ARHGAP10: variants seen among roughly 807,000 people sequenced by gnomAD.
ARHGAP10 encodes the protein rho GTPase-activating protein 10.
A neutral mutation model predicts 108.6 loss-of-function variants in ARHGAP10; 87 were observed. The ratio of observed to expected loss-of-function variants is 0.80; its 90% CI spans 0.67 to 0.96. The LOEUF (loss-of-function observed/expected upper bound fraction) is 0.96. ARHGAP10 is among the 40% of genes least tolerant of loss of function. ARHGAP10 has a pLI of 0.00. For synonymous variants in ARHGAP10, 347 were observed against 341.1 expected (o/e 1.02, Z -0.19); for missense variants, 939 against 954.5 (o/e 0.98, Z 0.21).
chr4:148,047,127 G>T, intron 20 of ARHGAP10, 76 bp downstream of exon 20: 1 of 1,545,340 alleles, frequency 6.5e-7, no homozygotes, highest in Non-Finnish European at 8.8e-7. Context: ...TCCATGAGCA[G>T]TGACCTGTGG....
chr4:148,016,212 G>T (rs1207300507), intron 18 of ARHGAP10, among the ~76,000 whole-genome samples: 1 of 152,124 alleles, frequency 6.6e-6, no homozygotes, highest in East Asian at 1.9e-4. Context: ...TTTTAAAAAA[G>T]AATTACTGGA....
chr4:148,003,096 G>A (rs997110108), intron 18 of ARHGAP10, among the ~76,000 whole-genome samples: 1 of 152,180 alleles, frequency 6.6e-6, no homozygotes, highest in Non-Finnish European at 1.5e-5. Context: ...ATGTGTCCCA[G>A]AGATTCTGGT....
chr4:147,776,948 T>G (rs78250017), intron 1 of ARHGAP10, among the ~76,000 whole-genome samples: 18 of 152,334 alleles, frequency 1.2e-4, no homozygotes, highest in African/African-American at 4.3e-4. Context: ...AGCGTGTCTT[T>G]CCTTCCTGGT....
In ARHGAP10 at chr4:147,990,860, A is replaced by G. The variant is rs868509516; in HGVS notation, c.1716+24021A>G. On this transcript the variant is annotated intron_variant, in intron 18 of 22. Coordinates refer to ENST00000336498, the MANE Select transcript of ARHGAP10 (RefSeq NM_024605.4). ...TGAAACCCTGTCTCTACAAAAATACAGAAAAACGGGCCTGGTGTTGTGGTG... is the reference window on the plus strand; with the variant it reads ...TGAAACCCTGTCTCTACAAAAATACGGAAAAACGGGCCTGGTGTTGTGGTG... 3.9e-5 allele frequency among the ~76,000 whole-genome samples: 6 copies of G among 152,078 alleles called. 1 individual carries two copies. The highest frequency in any genetic ancestry group is 4.4e-5 in the Non-Finnish European group (3 of 68,034).
rs565699498 is a variant in ARHGAP10, at chr4:147,994,004, G to C, written c.1716+27165G>C. ...GATCAATGCAAGAAAATGAAGCTTG[G>C]AGAGCTGAAATTAACTTGCCCAAGG... On this transcript the variant is annotated intron_variant, in intron 18 of 22. Transcript: ENST00000336498. Among the ~76,000 whole-genome samples the C allele has an allele frequency of 1.2e-4, 19 of 152,168 alleles. No homozygotes were observed. The East Asian group carries it at 1.5e-3, about 12-fold the overall frequency.
chr4:147,812,001 A>G (rs1344151207), intron 1 of ARHGAP10, among the ~76,000 whole-genome samples: 1 of 152,120 alleles, frequency 6.6e-6, no homozygotes, highest in Non-Finnish European at 1.5e-5. Flanking sequence ...TGGGGTCTTC[A>G]TGGGTGTGAC....
At chr4:147,800,141 A>G (rs927056935) in intron 1 of ARHGAP10, among the ~76,000 whole-genome samples, 1 of 152,164 alleles carries the variant, frequency 6.6e-6, no homozygotes, top group Non-Finnish European at 1.5e-5. Flanking sequence ...GTGGAGGCAG[A>G]AGGGATTTCC....
chr4:147,742,120 A>T (rs950539392), intron 1 of ARHGAP10, among the ~76,000 whole-genome samples: 1 of 151,808 alleles, frequency 6.6e-6, no homozygotes, highest in African/African-American at 2.4e-5. Flanking sequence ...CAGCAGTGTC[A>T]CCTCAGGTCA....
intron 5 of ARHGAP10, chr4:147,858,606 G>A (rs1734192413): frequency 6.6e-6 from 1 of 152,176 alleles, no homozygotes. Context: ...AGAGAAAAGA[G>A]CTTTTACACC....
At chr4:147,906,216 A>G (rs4835109) in intron 10 of ARHGAP10, among the ~76,000 whole-genome samples, 118,153 of 152,124 alleles carry the variant, frequency 0.78, 48,355 homozygotes, top group Non-Finnish European at 0.92. Context: ...GCAGGGGCCT[A>G]AACAGGTATT....
In ARHGAP10 at chr4:147,956,300, G is replaced by A. The variant is rs572066841; in HGVS notation, c.1450+926G>A. On this transcript the variant is annotated intron_variant, in intron 16 of 22. Coordinates refer to ENST00000336498, the MANE Select transcript of ARHGAP10 (RefSeq NM_024605.4). ...CATTCCCTTTGGGACCAATGTTACC[G>A]CTGCCTGAACATTGCTTTAAATGTT... is the stretch of plus-strand genomic sequence containing the variant. 7.9e-5 allele frequency among the ~76,000 whole-genome samples: 12 copies of A among 152,092 alleles called. No individual in the cohort carries two copies. The East Asian group carries it at 1.9e-3, about 24-fold the overall frequency.
intron 18 of ARHGAP10, among the ~76,000 whole-genome samples, chr4:147,985,782 G>T (rs1382021932): frequency 1.3e-5 from 2 of 152,212 alleles, no homozygotes; most frequent in African/African-American, 4.8e-5. Flanking sequence ...CTCAGCGTCT[G>T]TAAGCTTTTC....
intron 15 of ARHGAP10, among the ~76,000 whole-genome samples, chr4:147,954,619 C>T (rs777596806): frequency 8.6e-5 from 13 of 151,924 alleles, no homozygotes; most frequent in Admixed American, 2.6e-4. Context: ...GCTGTACAGA[C>T]CGACACTTGT....
chr4:147,808,228 G>A (rs907077040), intron 1 of ARHGAP10, among the ~76,000 whole-genome samples: 4 of 152,092 alleles, frequency 2.6e-5, no homozygotes, highest in Non-Finnish European at 4.4e-5. Context: ...GGTTTCTTAT[G>A]CAGGTTGTAT....
At chr4:147,876,451 G>A (rs1048262648) in intron 8 of ARHGAP10, among the ~76,000 whole-genome samples, 20 of 152,038 alleles carry the variant, frequency 1.3e-4, no homozygotes, top group Non-Finnish European at 2.6e-4. Context: ...AAATCAGCAG[G>A]GCGTAGTGGC....
chr4:147,799,380 A>G (rs909357254), intron 1 of ARHGAP10, among the ~76,000 whole-genome samples: 2 of 152,088 alleles, frequency 1.3e-5, no homozygotes, highest in African/African-American at 4.8e-5. Flanking sequence ...CTTTTACCAA[A>G]TTTGGAATGT....
At chr4:148,064,648 G>A (rs909573372) in intron 22 of ARHGAP10, 141 bp downstream of exon 22, 2 of 704,366 alleles carry the variant, frequency 2.8e-6, no homozygotes, top group African/African-American at 3.8e-5. Flanking sequence ...TTAAGCGGCT[G>A]CGTTAGGCTC....
chr4:148,018,693 T>G (rs1741446610), intron 18 of ARHGAP10, among the ~76,000 whole-genome samples: 1 of 152,186 alleles, frequency 6.6e-6, no homozygotes, highest in Middle Eastern at 3.2e-3. Context: ...TATTCCCCAT[T>G]TTACTCTTTC....
chr4:147,929,323 G>A (rs1737580488), intron 13 of ARHGAP10, among the ~76,000 whole-genome samples: 1 of 152,066 alleles, frequency 6.6e-6, no homozygotes, highest in African/African-American at 2.4e-5. Flanking sequence ...ATTTATGATG[G>A]TGAATATGTC....
Sources: gnomAD v4.1 joint callset for allele counts (sites outside exome capture counted in the v4.1 genomes callset) on GRCh38, gnomAD v4.1.1 for gene constraint, MANE v1.5 for transcripts, NCBI Gene and HGNC (gene_info 2026-07-23, HGNC 2026-07-21) for gene names.